NOS1AP: variants seen among roughly 807,000 people sequenced by gnomAD.
NOS1AP encodes the protein nitric oxide synthase 1 adaptor protein, also known as carboxyl-terminal PDZ ligand of neuronal nitric oxide synthase protein.
In NOS1AP, 21 loss-of-function variants were observed where a neutral mutation model predicts 56.2. That is an observed-to-expected ratio of 0.37 (90% CI 0.26 to 0.54). The LOEUF (loss-of-function observed/expected upper bound fraction) is 0.54. Ranked by LOEUF, NOS1AP falls within the 20% of genes least tolerant of loss-of-function variation. The pLI is 0.84. For synonymous variants in NOS1AP, 270 were observed against 274.6 expected (o/e 0.98, Z 0.17); for missense variants, 522 against 657.8 (o/e 0.79, Z 2.26).
chr1:162,300,810 T>C, intron 4 of NOS1AP, 104 bp downstream of exon 4: 2 of 912,240 alleles, frequency 2.2e-6, no homozygotes, highest in African/African-American at 1.6e-5. Context: ...TTAAATAAAC[T>C]TCTATGCTTT....
intron 4 of NOS1AP, among the ~76,000 whole-genome samples, chr1:162,318,233 C>A (rs1260090326): frequency 6.6e-6 from 1 of 152,198 alleles, no homozygotes; most frequent in East Asian, 1.9e-4. Context: ...GAAAAGATGA[C>A]CCTCAAACCC....
chr1:162,355,829 C>T (rs1657688419), intron 7 of NOS1AP, among the ~76,000 whole-genome samples: 1 of 152,158 alleles, frequency 6.6e-6, no homozygotes, highest in Non-Finnish European at 1.5e-5. Context: ...ATGTCAGAAA[C>T]TGAGAGACCA....
At chr1:162,119,924 GA>G (rs1268101174) in intron 1 of NOS1AP, among the ~76,000 whole-genome samples, 28 of 152,308 alleles carry the variant, frequency 1.8e-4, no homozygotes, top group African/African-American at 6.7e-4. Context: ...GGAGGCAGCA[GA>G]GATGGTAACA....
intron 2 of NOS1AP, among the ~76,000 whole-genome samples, chr1:162,183,317 C>T (rs998637206): frequency 4.5e-4 from 68 of 152,194 alleles, no homozygotes; most frequent in African/African-American, 1.6e-3. Context: ...GGCTGTCATG[C>T]CGTCTTTGTT....
chr1:162,157,543 C>G (rs1650024159), intron 2 of NOS1AP, among the ~76,000 whole-genome samples: 1 of 152,166 alleles, frequency 6.6e-6, no homozygotes, highest in African/African-American at 2.4e-5. Flanking sequence ...ATTGGGCAGG[C>G]TTTTGGTTGC....
intron 2 of NOS1AP, among the ~76,000 whole-genome samples, chr1:162,274,367 G>T (rs1654676884): frequency 6.6e-6 from 1 of 152,116 alleles, no homozygotes; most frequent in South Asian, 2.1e-4. Flanking sequence ...GGCTGGAGAG[G>T]AGAATGATAA....
chr1:162,222,693 G>T (rs1388827352), intron 2 of NOS1AP, among the ~76,000 whole-genome samples: 3 of 152,192 alleles, frequency 2.0e-5, no homozygotes, highest in Non-Finnish European at 4.4e-5. Context: ...TTTGCTGGTT[G>T]GTTATGAAGT....
chr1:162,075,319 C>G (rs564622399), intron 1 of NOS1AP, among the ~76,000 whole-genome samples: 1 of 152,192 alleles, frequency 6.6e-6, no homozygotes. Context: ...GATTTTGTGG[C>G]TTGGGAGCAT....
intron 6 of NOS1AP, among the ~76,000 whole-genome samples, chr1:162,346,156 C>T (rs1173239322): frequency 3.3e-5 from 5 of 152,114 alleles, no homozygotes; most frequent in Non-Finnish European, 7.4e-5. Context: ...GCCTTTTGAC[C>T]CCCAAATTTC....
chr1:162,133,173 T>A (rs1648829318), intron 1 of NOS1AP, among the ~76,000 whole-genome samples: 2 of 152,258 alleles, frequency 1.3e-5, no homozygotes, highest in Admixed American at 1.3e-4. Flanking sequence ...TACGCTTAAT[T>A]TGTCTATATT....
intron 4 of NOS1AP, among the ~76,000 whole-genome samples, chr1:162,326,293 C>G (rs1656589229): frequency 6.6e-6 from 1 of 152,098 alleles, no homozygotes; most frequent in African/African-American, 2.4e-5. Context: ...CTCAGGAAAC[C>G]TTGCAGGTGA....
rs910139616 is a variant in NOS1AP, at chr1:162,367,629, G to A, written c.*162G>A. On this transcript the variant is annotated 3_prime_UTR_variant, in exon 10 of 10. Transcript: ENST00000361897. The surrounding 1 kb of genome is among the most constrained non-coding windows in gnomAD (Gnocchi z 6.5). ...AGGAAAGTATTGAGATTCTGCTTTG[G>A]AGGGTAAAGTGGGGAAGAAATCGGA... is the stretch of plus-strand genomic sequence containing the variant. 1.2e-6 allele frequency: 1 copy of A among 801,048 alleles called. No homozygotes were observed. Among genetic ancestry groups the A allele is most frequent in the Non-Finnish European group, 1.9e-6 (1 of 520,742 alleles). 49.6% of individuals were successfully genotyped at this position (801,048 alleles called of 1,614,324 possible). A position where few individuals can be genotyped will look rare whatever the true frequency, so the allele number is the denominator to read the frequency against.
chr1:162,365,669 C>A, intron 9 of NOS1AP, 100 bp downstream of exon 9: 2 of 1,421,132 alleles, frequency 1.4e-6, no homozygotes, highest in Non-Finnish European at 1.9e-6. Context: ...GACCCCTGAC[C>A]TACCCCTATA....
intron 2 of NOS1AP, among the ~76,000 whole-genome samples, chr1:162,252,082 C>T (rs536947112): frequency 1.3e-5 from 2 of 151,958 alleles, no homozygotes; most frequent in South Asian, 2.1e-4. Context: ...TTCTGTTGCC[C>T]AAGCTGGAAT....
intron 2 of NOS1AP, among the ~76,000 whole-genome samples, chr1:162,176,654 G>A (rs1203409696): frequency 1.3e-5 from 2 of 151,814 alleles, no homozygotes; most frequent in South Asian, 2.1e-4. Context: ...GACTACAGGC[G>A]TGTGCTACCA....
intron 1 of NOS1AP, among the ~76,000 whole-genome samples, chr1:162,120,872 A>G (rs1173941041): frequency 3.3e-5 from 5 of 152,134 alleles, no homozygotes; most frequent in African/African-American, 1.2e-4. Flanking sequence ...TCAGATATTT[A>G]CAAAAGTGTA....
chr1:162,289,535 C>T (rs559182668), intron 3 of NOS1AP, among the ~76,000 whole-genome samples: 72 of 119,518 alleles, frequency 6.0e-4, no homozygotes, highest in Middle Eastern at 0.013. Flanking sequence ...AGTGCAGTGG[C>T]GGGATCTCGG....
chr1:162,331,444 G>A (rs889943545), intron 4 of NOS1AP, among the ~76,000 whole-genome samples: 8 of 152,138 alleles, frequency 5.3e-5, no homozygotes, highest in Non-Finnish European at 1.0e-4. Context: ...ATGTAAGATG[G>A]CATTTTACTA....
At chr1:162,253,429 A>G (rs892099444) in intron 2 of NOS1AP, among the ~76,000 whole-genome samples, 1 of 152,224 alleles carries the variant, frequency 6.6e-6, no homozygotes, top group Non-Finnish European at 1.5e-5. Context: ...GGTGAAGCCA[A>G]GGGTGGTTAC....
Sources: allele counts gnomAD v4.1 joint callset (sites outside exome capture counted in the v4.1 genomes callset), GRCh38; gene constraint gnomAD v4.1.1; non-coding constraint Gnocchi (gnomAD v3.1); transcripts MANE v1.5; gene names NCBI Gene and HGNC (gene_info 2026-07-23, HGNC 2026-07-21).